Variants in PROM2 observed in about 807,000 individuals in gnomAD.
PROM2 encodes the protein prominin-2.
A neutral mutation model predicts 110.2 loss-of-function variants in PROM2; 90 were observed. That is an observed-to-expected ratio of 0.82 (90% CI 0.69 to 0.97). PROM2 has a LOEUF of 0.97. Ranked by LOEUF, PROM2 falls within the 50% of genes least tolerant of loss-of-function variation. PROM2 has a pLI of 0.00. For missense variants in PROM2, 1,009 were observed against 1,074.8 expected (o/e 0.94, Z 0.86); for synonymous variants, 470 against 467.8 (o/e 1.00, Z -0.06).
chr2:95,282,084 A>T, intron 13 of PROM2, 58 bp from the exon 14 acceptor site: 1 of 1,603,404 alleles, frequency 6.2e-7, no homozygotes, highest in Non-Finnish European at 8.5e-7. Context: ...CCCTCAGGGG[A>T]CATCAGCCCC....
intron 14 of PROM2, among the ~76,000 whole-genome samples, 171 bp from the exon 15 acceptor site, chr2:95,284,798 C>T (rs1211016255): frequency 6.6e-6 from 1 of 152,244 alleles, no homozygotes; most frequent in African/African-American, 2.4e-5. Flanking sequence ...TCTAGTACCT[C>T]CCACCAGGCC....
chr2:95,284,078 G>T (rs1204354500), intron 14 of PROM2, among the ~76,000 whole-genome samples: 2 of 152,236 alleles, frequency 1.3e-5, no homozygotes, highest in South Asian at 4.1e-4. Flanking sequence ...ATGGGCACTG[G>T]AGGAAGGCCA....
chr2:95,280,005 A>G lies in PROM2; in HGVS notation c.1427+8A>G. Reference sequence around the variant, plus strand: ...AGCCCGCTTCCTCATGGCGTAAGAAAGGGCTGGGAGAGGGGAAGGGTCCCC... The same window carrying G: ...AGCCCGCTTCCTCATGGCGTAAGAAGGGGCTGGGAGAGGGGAAGGGTCCCC... On this transcript the variant is annotated splice_region_variant and intron_variant, in intron 11 of 23. Coordinates refer to ENST00000317620, the MANE Select transcript of PROM2 (RefSeq NM_001165978.3). 1.4e-6 allele frequency: 2 copies of G among 1,427,336 alleles called. No individual in the cohort carries two copies. Among genetic ancestry groups the G allele is most frequent in the East Asian group, 2.6e-5 (1 of 37,774 alleles). 88.4% of individuals were successfully genotyped at this position (1,427,336 alleles called of 1,614,324 possible).
chr2:95,277,877 C>T (rs1297327655), intron 7 of PROM2, 53 bp from the exon 8 acceptor site: 2 of 1,487,242 alleles, frequency 1.3e-6, no homozygotes, highest in South Asian at 1.2e-5. Flanking sequence ...CCTCAGGGAT[C>T]CCCTTCAGGC....
chr2:95,288,013 G>A (rs1353007228), intron 20 of PROM2, among the ~76,000 whole-genome samples, 198 bp from the exon 21 acceptor site: 2 of 152,200 alleles, frequency 1.3e-5, no homozygotes, highest in Non-Finnish European at 2.9e-5. Context: ...AAGGGGAGGG[G>A]CCCAGCGAGG....
rs1676709777 is a variant in PROM2 at position 95,277,007 on chromosome 2, C to T, written c.718C>T (p.Gln240Ter). Residue 240 changes from glutamine (Q) to a stop codon, truncating the protein, a stop_gained, in exon 6 of 24, where the codon CAG (glutamine) becomes TAG (stop). Transcript: ENST00000317620. LOFTEE classifies it high-confidence loss of function. ...GVSIGSAIHT[Q>*]LRSSVYPLLA... ...GAGCATTGGGAGCGCGATCCACACT[C>T]AGCTCAGGAGCTCCGTGTACCCCTT... The T allele has an allele frequency of 1.9e-6, 3 of 1,553,178 alleles. No individual in the cohort carries two copies. Among genetic ancestry groups the T allele is most frequent in the Admixed American group, 2.0e-5 (1 of 51,150 alleles).
Position 95,286,796 on chromosome 2 carries a change from C to T in PROM2, c.2041-8C>T, listed in dbSNP as rs1367893559. The T allele has an allele frequency of 6.2e-7, 1 of 1,612,556 alleles. No homozygotes were observed. The highest frequency in any genetic ancestry group is 1.7e-5 in the Admixed American group (1 of 59,960). On this transcript the variant is annotated splice_polypyrimidine_tract_variant and splice_region_variant and intron_variant, in intron 17 of 23. Coordinates refer to ENST00000317620, the MANE Select transcript of PROM2 (RefSeq NM_001165978.3). The stretch of plus-strand genomic sequence containing the variant: ...CTCCCCTAACCAGCCCTGATCTCTT[C>T]TCCACAGGCAAAGCTCAACCTCAGC...
chr2:95,277,484 T>A lies in PROM2; in HGVS notation c.893T>A (p.Leu298Gln). The A allele has an allele frequency of 6.2e-7, 1 of 1,612,426 alleles. No individual in the cohort carries two copies. Residue 298 changes from leucine to glutamine, a missense_variant, in exon 7 of 24, where the codon CTG (leucine) becomes CAG (glutamine). By Grantham distance (113) the Leu-to-Gln change is moderately radical. Coordinates refer to ENST00000317620, the MANE Select transcript of PROM2 (RefSeq NM_001165978.3). ...CACCGGGACCGCCTCCTTGAGCTGC[T>A]GCAGGAGGCCAGGTGCCAGGGAGAT... ...REHRDRLLEL[L>Q]QEARCQGDCA...
chr2:95,279,874 T>C lies in PROM2; in HGVS notation c.1304T>C (p.Val435Ala). 6.5e-7 allele frequency: 1 copy of C among 1,535,932 alleles called. No individual in the cohort carries two copies. Among genetic ancestry groups the C allele is most frequent in the South Asian group, 1.2e-5 (1 of 80,244 alleles). Residue 435 changes from valine to alanine, a missense_variant, in exon 11 of 24, where the codon GTG (valine) becomes GCG (alanine). Val to Ala is a moderately conservative substitution (Grantham distance 64). Coordinates refer to ENST00000317620, the MANE Select transcript of PROM2 (RefSeq NM_001165978.3). ...ATCGTGGGCTGCGTGCTGTGCTCCG[T>C]GGTCCTATTCGTGGTGCTCTGCAAC... is the stretch of plus-strand genomic sequence containing the variant. The part of the protein sequence containing the change: ...RWIVGCVLCS[V>A]VLFVVLCNLL...
chr2:95,284,585 G>A (rs760847494), intron 14 of PROM2, among the ~76,000 whole-genome samples: 28 of 152,178 alleles, frequency 1.8e-4, no homozygotes, highest in Non-Finnish European at 2.2e-4. Context: ...GCATGGCACC[G>A]GCAGCCGTTT....
intron 14 of PROM2, among the ~76,000 whole-genome samples, chr2:95,283,505 G>A (rs1677165517): frequency 6.6e-6 from 1 of 152,228 alleles, no homozygotes. Flanking sequence ...TCCTGAAGCT[G>A]CTGCCACTGA....
At chr2:95,285,181 G>A in intron 15 of PROM2, 66 bp downstream of exon 15, 1 of 1,448,414 alleles carries the variant, frequency 6.9e-7, no homozygotes, top group Non-Finnish European at 9.2e-7. Flanking sequence ...GGCCCACAGA[G>A]GAGCTGGGTG....
chr2:95,278,947 G>A (rs1301687013), intron 9 of PROM2, 38 bp from the exon 10 acceptor site: 7 of 1,596,946 alleles, frequency 4.4e-6, no homozygotes, highest in Middle Eastern at 3.3e-4. Context: ...GCCCCAGGGT[G>A]CCCTCCGCAT....
chr2:95,274,753 G>T lies in PROM2; in HGVS notation c.168G>T (p.Ala56=). 1.2e-6 allele frequency: 2 copies of T among 1,611,548 alleles called. No homozygotes were observed. The highest frequency in any genetic ancestry group is 1.3e-5 in the African/African-American group (1 of 74,946). The change falls in exon 1 of 24, where the codon GCG becomes GCT. Residue 56 remains alanine, a synonymous_variant. Coordinates refer to ENST00000317620, the MANE Select transcript of PROM2 (RefSeq NM_001165978.3). ...GGTGGCTGGCCCCTCGAGTTCGTGCGCCAGGACTCCTGGACTCCCTCTATG... is the reference window on the plus strand; with the variant it reads ...GGTGGCTGGCCCCTCGAGTTCGTGCTCCAGGACTCCTGGACTCCCTCTATG... The part of the protein sequence containing the change: ...RARWLAPRVR[A]PGLLDSLYGT...
chr2:95,288,569 T>C lies in PROM2; in HGVS notation c.2421T>C (p.Arg807=), dbSNP rs1205348714. 3 of 1,613,962 alleles carry C rather than the reference T, an allele frequency of 1.9e-6. No individual in the cohort carries two copies. The highest frequency in any genetic ancestry group is 1.7e-6 in the Non-Finnish European group (2 of 1,179,976). Residue 807 remains arginine (R), a synonymous_variant, in exon 22 of 24, where the codon CGT becomes CGC. Coordinates refer to ENST00000317620, the MANE Select transcript of PROM2 (RefSeq NM_001165978.3). ...IFAVKTSKYF[R]PIRKRLSSTS... ...CCGTCAAGACCTCCAAATACTTCCG[T>C]CCTATCCGGAAACGCCTCAGGTGAG... is the stretch of plus-strand genomic sequence containing the variant.
In PROM2 at chr2:95,288,895, G is replaced by A. The variant is rs754350398; in HGVS notation, c.2442-38G>A. On this transcript the variant is annotated intron_variant, in intron 22 of 23. Coordinates refer to ENST00000317620, the MANE Select transcript of PROM2 (RefSeq NM_001165978.3). ...CCTGTGTCAGGGCTGAGGGTCTGGG[G>A]GGAAGGGTATGCTCACTCTCTGTCT... 1.1e-4 allele frequency: 178 copies of A among 1,597,850 alleles called. 1 individual carries two copies. The highest frequency in any genetic ancestry group is 1.4e-4 in the Non-Finnish European group (161 of 1,165,296).
At chr2:95,277,659 A>T in intron 7 of PROM2, 93 bp downstream of exon 7, 1 of 1,277,962 alleles carries the variant, frequency 7.8e-7, no homozygotes, top group Non-Finnish European at 1.1e-6. Context: ...CCTTGCCCCA[A>T]TGTTCCTCCC....
chr2:95,286,867 G>C lies in PROM2; in HGVS notation c.2094+10G>C. The C allele has an allele frequency of 6.2e-7, 1 of 1,613,586 alleles. No individual in the cohort carries two copies. The highest frequency in any genetic ancestry group is 8.5e-7 in the Non-Finnish European group (1 of 1,179,876). On this transcript the variant is annotated intron_variant, in intron 18 of 23. Transcript: ENST00000317620. ...TGCCCCGAATCTCCAGGTGGCTGCT[G>C]TTGGTGGGGACGTATGGTGGAGCAC...
At chr2:95,278,086 G>A (rs1181548267) in intron 8 of PROM2, 82 bp downstream of exon 8, 12 of 1,239,880 alleles carry the variant, frequency 9.7e-6, no homozygotes, top group Non-Finnish European at 1.4e-5. Flanking sequence ...CAGGAACCCA[G>A]TTGAACCTAA....
Sources: gnomAD v4.1 joint callset for allele counts (sites outside exome capture counted in the v4.1 genomes callset) on GRCh38, gnomAD v4.1.1 for gene constraint, MANE v1.5 for transcripts, NCBI Gene and HGNC (gene_info 2026-07-23, HGNC 2026-07-21) for gene names.